Variants in ZBTB17 observed in about 807,000 individuals in gnomAD.
ZBTB17 encodes zinc finger and BTB domain-containing protein 17.
Under a neutral mutation model 85.1 loss-of-function variants are expected in ZBTB17, and 24 were observed. The observed-to-expected ratio is 0.28, with a 90% CI of 0.20 to 0.40. ZBTB17 has a LOEUF of 0.40. Among genes scored for constraint, ZBTB17 ranks in the 10% least tolerant of loss-of-function variants. The pLI, the probability that ZBTB17 is intolerant of heterozygous loss-of-function variation, is 1.00. For synonymous variants in ZBTB17, 464 were observed against 460.2 expected, an observed-to-expected ratio of 1.01 and a Z score of -0.11; for missense variants, 743 against 1,105.1, an observed-to-expected ratio of 0.67 and a Z score of 4.65.
At position 15,947,134 on chromosome 1, in the gene ZBTB17, C is replaced by G. The variant is rs368271311; in HGVS notation, c.206-11G>C. 1 of 1,601,274 alleles carries G rather than the reference C, an allele frequency of 6.2e-7. No homozygotes were observed. The highest frequency in any genetic ancestry group is 8.5e-7 in the Non-Finnish European group (1 of 1,170,136). ...GCACCTGCCCCAGGCCTACCAAGGA[C>G]AGGACAGCTGTCACAGACCCACCTC... On this transcript the variant is annotated splice_polypyrimidine_tract_variant and intron_variant, in intron 3 of 15. Transcript: ENST00000375743.
chr1:15,948,280 T>A lies in ZBTB17; in HGVS notation c.205+11A>T. 1 of 1,613,712 alleles carries A rather than the reference T, an allele frequency of 6.2e-7. No homozygotes were observed. Among genetic ancestry groups the A allele is most frequent in the Non-Finnish European group, 8.5e-7 (1 of 1,180,036 alleles). On this transcript the variant is annotated intron_variant, in intron 3 of 15. Transcript: ENST00000375743. ...CTATCAGCAAGCTCAGCCCCAGCCC[T>A]GACGGGGTACCTGCCGCGTTACTGA...
chr1:15,945,667 C>A, intron 6 of ZBTB17, 48 bp downstream of exon 6: 2 of 1,600,690 alleles, frequency 1.2e-6, no homozygotes, highest in Non-Finnish European at 1.7e-6. Flanking sequence ...AGGCAGGGCC[C>A]TGGGAGGATG....
Position 15,951,251 on chromosome 1 carries a change from G to A in ZBTB17, c.-2-2754C>T, listed in dbSNP as rs1283995430. Among the ~76,000 whole-genome samples the A allele has an allele frequency of 1.3e-5, 2 of 151,974 alleles. No individual in the cohort carries two copies. Among genetic ancestry groups the A allele is most frequent in the South Asian group, 2.1e-4 (1 of 4,806 alleles). On this transcript the variant is annotated intron_variant, in intron 2 of 15. Coordinates refer to ENST00000375743, the MANE Select transcript of ZBTB17 (RefSeq NM_003443.3). This position sits in a 1 kb window ranked among gnomAD's most constrained non-coding sequence, Gnocchi z 4.1. ...AAGAAAACAGGAGAAATGATAAGAAGGGGGGAGGAAGAAGTGAAGATGGGC... is the reference window on the plus strand; with the variant it reads ...AAGAAAACAGGAGAAATGATAAGAAAGGGGGAGGAAGAAGTGAAGATGGGC...
chr1:15,975,271 T>C (rs1338680180), intron 1 of ZBTB17, among the ~76,000 whole-genome samples: 1 of 152,192 alleles, frequency 6.6e-6, no homozygotes, highest in Admixed American at 6.5e-5. Flanking sequence ...AGGAGGCTGA[T>C]TTTATTATCA....
intron 7 of ZBTB17, 38 bp from the exon 8 acceptor site, chr1:15,944,877 C>T (rs1254221484): frequency 1.3e-6 from 2 of 1,568,504 alleles, no homozygotes; most frequent in Non-Finnish European, 1.7e-6. Flanking sequence ...TGAGGAGCAG[C>T]CGGTGGGAGG....
chr1:15,944,007 A>T, intron 9 of ZBTB17, 112 bp from the exon 10 acceptor site: 1 of 1,137,508 alleles, frequency 8.8e-7, no homozygotes, highest in Non-Finnish European at 1.3e-6. Flanking sequence ...AGGGTCCGTG[A>T]AGGGCTCTAT....
intron 9 of ZBTB17, 26 bp downstream of exon 9, chr1:15,944,274 G>A: frequency 1.9e-6 from 3 of 1,548,758 alleles, no homozygotes; most frequent in Non-Finnish European, 2.6e-6. Flanking sequence ...GCTGCCAGGC[G>A]CTGGTTCCGG....
chr1:15,944,375 G>T lies in ZBTB17; in HGVS notation c.1296C>A (p.Ser432=). 6.4e-7 allele frequency: 1 copy of T among 1,559,794 alleles called. No homozygotes were observed. Reference sequence around the variant, plus strand: ...CGTGGGTCTCCAGGTGGCGCATCTTGGAAGTGGGGTCGGAGAAGGAGCGGC... The same window carrying T: ...CGTGGGTCTCCAGGTGGCGCATCTTTGAAGTGGGGTCGGAGAAGGAGCGGC... The part of the protein sequence containing the change: ...YCGRSFSDPT[S]KMRHLETHDT... Residue 432 remains serine, a synonymous_variant, in exon 9 of 16, where the codon TCC becomes TCA. Coordinates refer to ENST00000375743, the MANE Select transcript of ZBTB17 (RefSeq NM_003443.3).
At chr1:15,967,790 C>T (rs567940960) in intron 2 of ZBTB17, among the ~76,000 whole-genome samples, 8 of 152,320 alleles carry the variant, frequency 5.3e-5, no homozygotes, top group African/African-American at 1.9e-4. Flanking sequence ...CTATTATCCA[C>T]ATTTTACAAC....
chr1:15,946,352 T>A (rs1162850037), intron 4 of ZBTB17, 58 bp from the exon 5 acceptor site: 1 of 1,580,480 alleles, frequency 6.3e-7, no homozygotes, highest in African/African-American at 1.3e-5. Context: ...CATCTGGAGG[T>A]GTGAGGTGGC....
intron 2 of ZBTB17, among the ~76,000 whole-genome samples, chr1:15,949,639 C>A (rs2071755603): frequency 6.6e-6 from 1 of 152,232 alleles, no homozygotes; most frequent in African/African-American, 2.4e-5. Flanking sequence ...GGCTCTCCGC[C>A]CCCAGTTTCG....
chr1:15,942,431 A>T lies in ZBTB17; in HGVS notation c.2039-11T>A, dbSNP rs1440848575. On this transcript the variant is annotated splice_polypyrimidine_tract_variant and intron_variant, in intron 14 of 15. Transcript: ENST00000375743. The stretch of plus-strand genomic sequence containing the variant: ...CTCCCACCGGCACCACTGCGGGCAG[A>T]GTCGCAGGGCCTAAGGTGAAGGCAC... 1 of 1,613,100 alleles carries T rather than the reference A, an allele frequency of 6.2e-7. No individual in the cohort carries two copies. Among genetic ancestry groups the T allele is most frequent in the Non-Finnish European group, 8.5e-7 (1 of 1,179,980 alleles).
At chr1:15,970,647 C>A (rs1047218192) in intron 2 of ZBTB17, among the ~76,000 whole-genome samples, 1 of 152,104 alleles carries the variant, frequency 6.6e-6, no homozygotes, top group Admixed American at 6.5e-5. Context: ...TTCCCAGGTT[C>A]AAGTGATTCT....
At chr1:15,974,545 C>G (rs958569822) in intron 1 of ZBTB17, among the ~76,000 whole-genome samples, 1 of 151,866 alleles carries the variant, frequency 6.6e-6, no homozygotes, top group Non-Finnish European at 1.5e-5. Context: ...ACAACGTCCC[C>G]TAAGACCAGA....
At chr1:15,970,157 C>T in intron 2 of ZBTB17, 4 of 561,222 alleles carry the variant, frequency 7.1e-6, no homozygotes, top group East Asian at 3.2e-5. Flanking sequence ...AATTTCTTTA[C>T]AATAGTAGGA....
chr1:15,971,260 C>T (rs929576998), intron 2 of ZBTB17, among the ~76,000 whole-genome samples: 1 of 150,578 alleles, frequency 6.6e-6, no homozygotes, highest in Non-Finnish European at 1.5e-5. Context: ...AAAAATCAAA[C>T]ACTAAGACAC....
At chr1:15,962,979 A>G (rs1023781994) in intron 2 of ZBTB17, among the ~76,000 whole-genome samples, 1 of 152,142 alleles carries the variant, frequency 6.6e-6, no homozygotes, top group East Asian at 1.9e-4. Flanking sequence ...AAGCAAATCC[A>G]AGGCTGGGCA....
At chr1:15,957,962 C>T (rs775360429) in intron 2 of ZBTB17, among the ~76,000 whole-genome samples, 2 of 151,966 alleles carry the variant, frequency 1.3e-5, no homozygotes, top group Non-Finnish European at 2.9e-5. Flanking sequence ...CTTGTAGAGA[C>T]GGTAATTAAA....
chr1:15,949,130 G>T lies in ZBTB17; in HGVS notation c.-2-633C>A, dbSNP rs139183133. Among the ~76,000 whole-genome samples the T allele has an allele frequency of 8.4e-3, 1,280 of 152,186 alleles. 9 individuals are homozygous for T. Among genetic ancestry groups the T allele is most frequent in the Middle Eastern group, 0.014 (4 of 294 alleles). ...AGAGTTGCGGAGTCTTCTGACTCCAGAAACCTGTGTCCTGGTGGCCATCCC... is the reference window on the plus strand; with the variant it reads ...AGAGTTGCGGAGTCTTCTGACTCCATAAACCTGTGTCCTGGTGGCCATCCC... On this transcript the variant is annotated intron_variant, in intron 2 of 15. Coordinates refer to ENST00000375743, the MANE Select transcript of ZBTB17 (RefSeq NM_003443.3).
Sources: gnomAD v4.1 joint callset for allele counts (sites outside exome capture counted in the v4.1 genomes callset) on GRCh38, gnomAD v4.1.1 for gene constraint, Gnocchi (gnomAD v3.1) non-coding constraint, MANE v1.5 for transcripts, NCBI Gene and HGNC (gene_info 2026-07-23, HGNC 2026-07-21) for gene names.